Variants in ZPLD1 observed in about 807,000 individuals in gnomAD.
ZPLD1 encodes zona pellucida-like domain-containing protein 1.
In ZPLD1, 34 loss-of-function variants were observed where a neutral mutation model predicts 47.2. That is an observed-to-expected ratio of 0.72 (90% CI 0.55 to 0.96). The LOEUF (loss-of-function observed/expected upper bound fraction) is 0.96. Ranked by LOEUF, ZPLD1 falls within the 40% of genes least tolerant of loss-of-function variation. The pLI, the probability that ZPLD1 is intolerant of heterozygous loss-of-function variation, is 0.00. For synonymous variants in ZPLD1, 176 were observed against 186.2 expected, an observed-to-expected ratio of 0.95 and a Z score of 0.45; for missense variants, 512 against 505.8, an observed-to-expected ratio of 1.01 and a Z score of -0.12.
At chr3:102,425,026 G>T (rs1706926066) in intron 8 of ZPLD1, among the ~76,000 whole-genome samples, 1 of 150,798 alleles carries the variant, frequency 6.6e-6, no homozygotes. Flanking sequence ...CCATTACTTT[G>T]ATTTCTTTTT....
chr3:102,432,186 T>C (rs1707023780), upstream of ZPLD1, among the ~76,000 whole-genome samples: 1 of 152,322 alleles, frequency 6.6e-6, no homozygotes, highest in South Asian at 2.1e-4. Flanking sequence ...TAAACCTTAA[T>C]GAACTGTTGT....
intron 8 of ZPLD1, among the ~76,000 whole-genome samples, chr3:102,426,785 G>A (rs1242620990): frequency 6.6e-6 from 1 of 152,092 alleles, no homozygotes; most frequent in South Asian, 2.1e-4. Context: ...AAACTTTTGT[G>A]GATGTGATTT....
chr3:102,433,469 C>T (rs181156145), upstream of ZPLD1, among the ~76,000 whole-genome samples: 5 of 152,344 alleles, frequency 3.3e-5, no homozygotes, highest in African/African-American at 1.2e-4. Flanking sequence ...CTCTGGTACA[C>T]AGTCAGCTCT....
At chr3:102,400,689 G>C (rs952767991) in intron 7 of ZPLD1, among the ~76,000 whole-genome samples, 1 of 151,800 alleles carries the variant, frequency 6.6e-6, no homozygotes, top group African/African-American at 2.4e-5. Context: ...TATGTGTCTT[G>C]TTTCCCTCAT....
chr3:102,469,094 A>G lies in ZPLD1; in HGVS notation c.892A>G (p.Thr298Ala). The G allele has an allele frequency of 6.2e-7, 1 of 1,614,128 alleles. No homozygotes were observed. The highest frequency in any genetic ancestry group is 8.5e-7 in the Non-Finnish European group (1 of 1,179,996). Reference protein sequence around the residue: ...KMSTVFLHCVTKLCRADDCPF... With the variant: ...KMSTVFLHCVAKLCRADDCPF... Reference sequence around the variant, plus strand: ...GTCCACTGTCTTCTTGCACTGCGTTACCAAGCTCTGCAGAGCAGATGACTG... The same window carrying G: ...GTCCACTGTCTTCTTGCACTGCGTTGCCAAGCTCTGCAGAGCAGATGACTG... The change falls in exon 9 of 12, where the codon ACC (threonine) becomes GCC (alanine). Residue 298 changes from threonine to alanine, a missense_variant. Transcript: ENST00000466937.
At chr3:102,403,533 A>G (rs1331213804) in intron 7 of ZPLD1, among the ~76,000 whole-genome samples, 2 of 152,000 alleles carry the variant, frequency 1.3e-5, no homozygotes, top group South Asian at 2.1e-4. Context: ...TTAAATTCAC[A>G]TAACATTATC....
At chr3:102,470,703 G>A (rs1331666538) in intron 10 of ZPLD1, among the ~76,000 whole-genome samples, 1 of 149,610 alleles carries the variant, frequency 6.7e-6, no homozygotes, top group Non-Finnish European at 1.5e-5. Context: ...TCTTTACTAC[G>A]TTTCCTGTTT....
chr3:102,464,342 G>A (rs1707558553), intron 8 of ZPLD1, 91 bp downstream of exon 8: 2 of 911,024 alleles, frequency 2.2e-6, no homozygotes, highest in Non-Finnish European at 3.5e-6. Context: ...AAATTATAAA[G>A]CACTATTATA....
intron 7 of ZPLD1, among the ~76,000 whole-genome samples, chr3:102,407,438 T>TAC (rs1706702742): frequency 4.6e-5 from 5 of 109,632 alleles, no homozygotes; most frequent in Non-Finnish European, 7.6e-5. Flanking sequence ...TATATATATA[T>TAC]ATATACACAC....
At chr3:102,406,356 C>T (rs751998451) in intron 7 of ZPLD1, among the ~76,000 whole-genome samples, 2 of 151,942 alleles carry the variant, frequency 1.3e-5, no homozygotes, top group Admixed American at 6.6e-5. Flanking sequence ...CTCATCTCAA[C>T]CTGTAATTGC....
rs377653765 is a variant in ZPLD1 at position 102,419,539 on chromosome 3, G to T, written c.-9+1332G>T. Among the ~76,000 whole-genome samples, 11 of 151,622 alleles carry T rather than the reference G, an allele frequency of 7.3e-5. No homozygotes were observed. The East Asian group carries it at 1.4e-3, about 19-fold the overall frequency. On this transcript the variant is annotated intron_variant, in intron 8 of 17. Coordinates refer to the ZPLD1 transcript ENST00000491959. ...TCTCTCTCTTGTTTTTCATGATTCTGGGAACTAAGGGAAAATTCTACATTT... is the reference window on the plus strand; with the variant it reads ...TCTCTCTCTTGTTTTTCATGATTCTTGGAACTAAGGGAAAATTCTACATTT...
chr3:102,418,090 T>C (rs557549340), exon 8 of ZPLD1: 1 of 152,430 alleles, frequency 6.6e-6, no homozygotes, highest in South Asian at 2.1e-4. Flanking sequence ...CTTCTCTCAT[T>C]TGAAGCCTTG....
At chr3:102,468,312 T>G (rs888825890) in intron 8 of ZPLD1, among the ~76,000 whole-genome samples, 2 of 152,200 alleles carry the variant, frequency 1.3e-5, no homozygotes, top group African/African-American at 4.8e-5. Context: ...ATCCTGTACA[T>G]GTTCAACATG....
chr3:102,396,072 T>C (rs114123085), intron 7 of ZPLD1, among the ~76,000 whole-genome samples: 1,907 of 152,266 alleles, frequency 0.013, 46 homozygotes, highest in African/African-American at 0.043. Flanking sequence ...TTTTCTTTAA[T>C]TGAATTACAT....
intron 8 of ZPLD1, among the ~76,000 whole-genome samples, chr3:102,429,951 T>C (rs1333788236): frequency 6.6e-6 from 1 of 152,222 alleles, no homozygotes; most frequent in Non-Finnish European, 1.5e-5. Flanking sequence ...ACTCTGCACC[T>C]AGAATGCAAC....
intron 8 of ZPLD1, among the ~76,000 whole-genome samples, chr3:102,423,887 T>G (rs1706910231): frequency 6.6e-6 from 1 of 152,162 alleles, no homozygotes; most frequent in Non-Finnish European, 1.5e-5. Context: ...AGGAGTTTGC[T>G]TTTCCTGTAG....
At chr3:102,393,435 C>T (rs976101218) in intron 7 of ZPLD1, among the ~76,000 whole-genome samples, 3 of 151,978 alleles carry the variant, frequency 2.0e-5, no homozygotes, top group African/African-American at 4.8e-5. Context: ...AAACTTTTAC[C>T]AGTGCAGTAA....
chr3:102,433,336 T>C (rs1421530269), upstream of ZPLD1, among the ~76,000 whole-genome samples: 5 of 152,338 alleles, frequency 3.3e-5, no homozygotes, highest in East Asian at 9.6e-4. Flanking sequence ...TAACAGTGGC[T>C]GTCTGCTTAG....
chr3:102,421,720 G>A (rs1434666317), intron 8 of ZPLD1, among the ~76,000 whole-genome samples: 3 of 151,506 alleles, frequency 2.0e-5, no homozygotes, highest in Non-Finnish European at 3.0e-5. Flanking sequence ...TAATTACAGG[G>A]CATAAAAAGT....
Sources: gnomAD v4.1 joint callset for allele counts (sites outside exome capture counted in the v4.1 genomes callset) on GRCh38, gnomAD v4.1.1 for gene constraint, MANE v1.5 for transcripts, NCBI Gene and HGNC (gene_info 2026-07-23, HGNC 2026-07-21) for gene names.